Variants in CLVS1 observed in about 807,000 individuals in gnomAD.
CLVS1 encodes the protein clavesin-1.
CLVS1 carries 10 observed loss-of-function variants against 33.1 expected under a neutral mutation model. The observed-to-expected ratio is 0.30, with a 90% confidence interval of 0.19 to 0.51. CLVS1 has a LOEUF of 0.51. CLVS1 is among the 20% of genes least tolerant of loss of function. The pLI is 0.97. For synonymous variants in CLVS1, 163 were observed against 166.1 expected, an observed-to-expected ratio of 0.98 and a Z score of 0.14; for missense variants, 343 against 433.4, an observed-to-expected ratio of 0.79 and a Z score of 1.85.
chr8:61,294,207 T>G (rs947035926), intron 1 of CLVS1, among the ~76,000 whole-genome samples: 1 of 152,106 alleles, frequency 6.6e-6, no homozygotes, highest in African/African-American at 2.4e-5. Flanking sequence ...ACAAGGCACC[T>G]ACTTGGAGAG....
intron 2 of CLVS1, among the ~76,000 whole-genome samples, chr8:61,217,226 A>G (rs1808108197): frequency 6.6e-6 from 1 of 152,182 alleles, no homozygotes; most frequent in East Asian, 1.9e-4. Flanking sequence ...ACAGAATAGA[A>G]AGTTGGAGTT....
chr8:61,154,330 C>A (rs758072580), intron 2 of CLVS1, among the ~76,000 whole-genome samples: 79 of 151,766 alleles, frequency 5.2e-4, no homozygotes, highest in Non-Finnish European at 1.0e-3. Context: ...TGGCTCTATT[C>A]AGCTACAAAA....
At chr8:61,280,770 T>C (rs570480352) in intron 2 of CLVS1, among the ~76,000 whole-genome samples, 47 of 152,280 alleles carry the variant, frequency 3.1e-4, no homozygotes, top group African/African-American at 9.9e-4. Flanking sequence ...ACTTTAGCCC[T>C]CATAAGTGAT....
intron 2 of CLVS1, among the ~76,000 whole-genome samples, chr8:61,316,063 C>CT (rs1370869538): frequency 1.3e-5 from 2 of 152,096 alleles, no homozygotes; most frequent in East Asian, 1.9e-4. Flanking sequence ...TGAACTCATC[C>CT]TTTTTTATGG....
At chr8:61,384,532 A>T (rs1047666794) in intron 3 of CLVS1, among the ~76,000 whole-genome samples, 3 of 152,152 alleles carry the variant, frequency 2.0e-5, no homozygotes, top group African/African-American at 7.2e-5. Flanking sequence ...GGAGTTAAGG[A>T]TGAAGGTCAG....
chr8:61,482,687 C>A (rs1336232707), intron 5 of CLVS1, among the ~76,000 whole-genome samples: 1 of 152,102 alleles, frequency 6.6e-6, no homozygotes, highest in Non-Finnish European at 1.5e-5. Context: ...ACAAAGCCTC[C>A]AAGAGGTATG....
chr8:61,388,699 G>A (rs1018182149), intron 3 of CLVS1, among the ~76,000 whole-genome samples: 8 of 151,808 alleles, frequency 5.3e-5, no homozygotes, highest in East Asian at 1.9e-4. Context: ...GTCTCAATCC[G>A]TACAATGTAT....
intron 1 of CLVS1, among the ~76,000 whole-genome samples, chr8:61,296,802 G>A (rs947671671): frequency 6.6e-6 from 1 of 152,154 alleles, no homozygotes; most frequent in Non-Finnish European, 1.5e-5. Flanking sequence ...CTGAGGATGT[G>A]GTGGTGAATG....
At chr8:61,090,379 T>C (rs1211449133) in intron 1 of CLVS1, among the ~76,000 whole-genome samples, 1 of 152,172 alleles carries the variant, frequency 6.6e-6, no homozygotes, top group Non-Finnish European at 1.5e-5. Context: ...CCACAGGTTT[T>C]TGAGAATGTT....
At chr8:61,190,913 A>C (rs1807458133) in intron 2 of CLVS1, among the ~76,000 whole-genome samples, 1 of 152,218 alleles carries the variant, frequency 6.6e-6, no homozygotes, top group African/African-American at 2.4e-5. Context: ...GTCTAGGACC[A>C]GATGGATTCA....
At chr8:61,314,918 G>A (rs1210246981) in intron 2 of CLVS1, among the ~76,000 whole-genome samples, 6 of 152,128 alleles carry the variant, frequency 3.9e-5, no homozygotes, top group Admixed American at 3.9e-4. Context: ...GAAACCATGG[G>A]GAATCCCAAT....
chr8:61,095,668 T>C lies in CLVS1; in HGVS notation c.-242-36102T>C, dbSNP rs184392681. 3.9e-5 allele frequency among the ~76,000 whole-genome samples: 6 copies of C among 152,268 alleles called. No homozygotes were observed. In the East Asian group the frequency reaches 1.2e-3, roughly 29 times the overall value. ...TTCCAGAAGACTTGCTCTCACTCTGTTTTCTGGTCTATGGTAGGGTTTCAC... is the reference window on the plus strand; with the variant it reads ...TTCCAGAAGACTTGCTCTCACTCTGCTTTCTGGTCTATGGTAGGGTTTCAC... On this transcript the variant is annotated intron_variant, in intron 1 of 2. Coordinates refer to the CLVS1 transcript ENST00000522621.
At chr8:61,041,089 A>G in the CLVS1 span, among the ~76,000 whole-genome samples, 1 of 152,140 alleles carries the variant, frequency 6.6e-6, no homozygotes, top group East Asian at 1.9e-4. Context: ...TTGAATATGG[A>G]GTCCTTTTCT....
At chr8:61,150,026 G>GC (rs1454026187) in intron 2 of CLVS1, among the ~76,000 whole-genome samples, 1 of 151,786 alleles carries the variant, frequency 6.6e-6, no homozygotes, top group Non-Finnish European at 1.5e-5. Context: ...CTATCACAAG[G>GC]CTGAAAATCC....
chr8:61,199,263 T>C (rs1196187692), intron 2 of CLVS1, among the ~76,000 whole-genome samples: 1 of 152,064 alleles, frequency 6.6e-6, no homozygotes, highest in Non-Finnish European at 1.5e-5. Context: ...AAATGAGACA[T>C]AATTAAACTA....
chr8:61,388,894 C>A (rs1814190230), intron 3 of CLVS1, among the ~76,000 whole-genome samples: 1 of 151,904 alleles, frequency 6.6e-6, no homozygotes, highest in African/African-American at 2.4e-5. Flanking sequence ...AATTTTGTAC[C>A]CTTGAACAAA....
At chr8:61,178,182 C>G (rs1027981789) in intron 2 of CLVS1, among the ~76,000 whole-genome samples, 1 of 152,030 alleles carries the variant, frequency 6.6e-6, no homozygotes, top group Non-Finnish European at 1.5e-5. Context: ...AAACACAGCA[C>G]AAGAACATCT....
At chr8:61,290,577 G>A (rs971758032) in intron 1 of CLVS1, among the ~76,000 whole-genome samples, 6 of 152,106 alleles carry the variant, frequency 3.9e-5, no homozygotes, top group African/African-American at 1.2e-4. Flanking sequence ...GGTAGTGTCT[G>A]CTCACTTCTG....
At chr8:61,211,483 T>G (rs1302388290) in intron 2 of CLVS1, among the ~76,000 whole-genome samples, 3 of 151,524 alleles carry the variant, frequency 2.0e-5, no homozygotes, top group Non-Finnish European at 4.4e-5. Flanking sequence ...CCCCCTCTCC[T>G]CCTCCTCTTC....
Sources: allele counts gnomAD v4.1 joint callset (sites outside exome capture counted in the v4.1 genomes callset), GRCh38; gene constraint gnomAD v4.1.1; transcripts MANE v1.5; gene names NCBI Gene and HGNC (gene_info 2026-07-23, HGNC 2026-07-21).